SSH1: variants seen among roughly 807,000 people sequenced by gnomAD.
SSH1 encodes the protein slingshot protein phosphatase 1.
SSH1 carries 43 observed loss-of-function variants against 79.7 expected under a neutral mutation model. That is an observed-to-expected ratio of 0.54 (90% CI 0.42 to 0.70). The LOEUF is 0.70. SSH1 is among the 30% of genes least tolerant of loss of function. SSH1 has a pLI of 0.00. For synonymous variants in SSH1, 599 were observed against 538.3 expected, an observed-to-expected ratio of 1.11 and a Z score of -1.56; for missense variants, 1,206 against 1,358.8, an observed-to-expected ratio of 0.89 and a Z score of 1.77.
Position 108,779,034 on chromosome 12 carries a change from G to T in SSH1, c.*8954C>A, listed in dbSNP as rs571503087. On this transcript the variant is annotated 3_prime_UTR_variant, in exon 15 of 15. Coordinates refer to ENST00000326495, the MANE Select transcript of SSH1 (RefSeq NM_018984.4). ...ACCTGGGCTGGTCTTGAACTCCTGG[G>T]CTCAAGCAATCTGCCTGCCTCGGCC... 2.0e-5 allele frequency: 3 copies of T among 152,248 alleles called. No homozygotes were observed. The highest frequency in any genetic ancestry group is 7.2e-5 in the African/African-American group (3 of 41,550). The allele number at this position is 152,248 out of a possible 1,614,324, so 9.4% of individuals were successfully genotyped here.
Position 108,778,411 on chromosome 12 carries a change from A to C in SSH1, c.*9577T>G, listed in dbSNP as rs1045889351. 6.6e-6 allele frequency: 1 copy of C among 152,200 alleles called. No individual in the cohort carries two copies. The highest frequency in any genetic ancestry group is 2.4e-5 in the African/African-American group (1 of 41,428). The allele number at this position is 152,200 out of a possible 1,614,324, so 9.4% of individuals were successfully genotyped here. A position where few individuals can be genotyped will look rare whatever the true frequency, so the allele number is the denominator to read the frequency against. On this transcript the variant is annotated 3_prime_UTR_variant, in exon 15 of 15. Coordinates refer to ENST00000326495, the MANE Select transcript of SSH1 (RefSeq NM_018984.4). The stretch of plus-strand genomic sequence containing the variant: ...GAGAAGATGGTGGGGTAGAAATTGC[A>C]TGAATTTGGAGTCAGGCACTCCCAG...
chr12:108,830,860 G>C (rs2054266793), intron 2 of SSH1, among the ~76,000 whole-genome samples: 2 of 152,100 alleles, frequency 1.3e-5, no homozygotes, highest in Admixed American at 1.3e-4. Flanking sequence ...GCCCAGGCTG[G>C]TCTCCAACTC....
chr12:108,796,764 C>T (rs574820441), intron 13 of SSH1, among the ~76,000 whole-genome samples: 141 of 149,112 alleles, frequency 9.5e-4, no homozygotes, highest in Non-Finnish European at 1.8e-3. Flanking sequence ...TTTTTTTAGA[C>T]GAAGTTTTGC....
At chr12:108,853,596 G>T (rs1361954533) in intron 1 of SSH1, among the ~76,000 whole-genome samples, 1 of 151,846 alleles carries the variant, frequency 6.6e-6, no homozygotes, top group African/African-American at 2.4e-5. Flanking sequence ...GGGCAGCAAG[G>T]GACACCCACC....
intron 2 of SSH1, among the ~76,000 whole-genome samples, chr12:108,845,319 C>T (rs2137272080): frequency 6.6e-6 from 1 of 152,148 alleles, no homozygotes; most frequent in South Asian, 2.1e-4. Context: ...CTTGTGAGTT[C>T]CCGAACAGAG....
At chr12:108,856,082 A>C (rs1003237035) in intron 1 of SSH1, among the ~76,000 whole-genome samples, 5 of 152,242 alleles carry the variant, frequency 3.3e-5, no homozygotes, top group Non-Finnish European at 5.9e-5. Flanking sequence ...TGAAGAGCCC[A>C]GATGCTGGCT....
At chr12:108,819,008 C>A (rs2038012094) in intron 3 of SSH1, among the ~76,000 whole-genome samples, 1 of 152,316 alleles carries the variant, frequency 6.6e-6, no homozygotes, top group East Asian at 1.9e-4. Flanking sequence ...CACGCCTCAG[C>A]CTCCCAAAGT....
In SSH1 at chr12:108,805,036, G is replaced by T. The variant is rs1324822634; in HGVS notation, c.954+20C>A. On this transcript the variant is annotated intron_variant, in intron 10 of 14. Coordinates refer to ENST00000326495, the MANE Select transcript of SSH1 (RefSeq NM_018984.4). ...ATTTATGTCCCCCAAACCAGATACT[G>T]CCAGGGCCATGCCTCTTACGAGATA... 1.2e-6 allele frequency: 2 copies of T among 1,613,670 alleles called. No individual in the cohort carries two copies. Among genetic ancestry groups the T allele is most frequent in the African/African-American group, 2.7e-5 (2 of 74,910 alleles).
intron 11 of SSH1, 62 bp from the exon 12 acceptor site, chr12:108,800,988 T>G: frequency 1.3e-6 from 2 of 1,496,966 alleles, no homozygotes; most frequent in Non-Finnish European, 1.8e-6. Flanking sequence ...AAAAGCAAGG[T>G]AATAAAAACT....
In SSH1 at chr12:108,781,224, G is replaced by T. The variant is rs1205204315; in HGVS notation, c.*6764C>A. 1 of 152,030 alleles carries T rather than the reference G, an allele frequency of 6.6e-6. No homozygotes were observed. Among genetic ancestry groups the T allele is most frequent in the Non-Finnish European group, 1.5e-5 (1 of 68,036 alleles). The allele number at this position is 152,030 out of a possible 1,614,324, so 9.4% of individuals were successfully genotyped here. On this transcript the variant is annotated 3_prime_UTR_variant, in exon 15 of 15. Transcript: ENST00000326495. ...ATCAGAAACCAGGAGTTCAAGACCA[G>T]TCTGGGCAACATAGTGAGACCCTAT...
chr12:108,806,874 T>C (rs2037305736), intron 8 of SSH1, among the ~76,000 whole-genome samples: 1 of 152,184 alleles, frequency 6.6e-6, no homozygotes, highest in Admixed American at 6.5e-5. Flanking sequence ...TAATCCTTCT[T>C]CCCCATGAGG....
chr12:108,851,310 G>C (rs2039033964), intron 2 of SSH1, among the ~76,000 whole-genome samples: 2 of 152,164 alleles, frequency 1.3e-5, no homozygotes, highest in Admixed American at 6.5e-5. Flanking sequence ...AAACATCGGA[G>C]AAAAGCTGAG....
Position 108,806,295 on chromosome 12 carries a change from T to C in SSH1, c.825+6A>G. ...TGACCTGCAATGAAGGGAGGAGTTG[T>C]CTTACCTCTTTGGAAGTCACATTTT... is the stretch of plus-strand genomic sequence containing the variant. On this transcript the variant is annotated splice_donor_region_variant and intron_variant, in intron 9 of 14. Coordinates refer to ENST00000326495, the MANE Select transcript of SSH1 (RefSeq NM_018984.4). 6.2e-7 allele frequency: 1 copy of C among 1,613,868 alleles called. No individual in the cohort carries two copies. Among genetic ancestry groups the C allele is most frequent in the Non-Finnish European group, 8.5e-7 (1 of 1,179,750 alleles).
At chr12:108,856,780 G>T (rs2039152998) in intron 1 of SSH1, among the ~76,000 whole-genome samples, 1 of 152,158 alleles carries the variant, frequency 6.6e-6, no homozygotes, top group Non-Finnish European at 1.5e-5. Context: ...GCACAGCCAG[G>T]CATACAGGCA....
In SSH1 at chr12:108,811,341, A is replaced by G; in HGVS notation, c.402-13T>C. ...GGTGCAGCTTTTACTGCGATGGGGG[A>G]GAGAAGACATGTGGAGTCAGCGTCT... is the stretch of plus-strand genomic sequence containing the variant. On this transcript the variant is annotated splice_polypyrimidine_tract_variant and intron_variant, in intron 5 of 14. Coordinates refer to ENST00000326495, the MANE Select transcript of SSH1 (RefSeq NM_018984.4). 1 of 1,613,956 alleles carries G rather than the reference A, an allele frequency of 6.2e-7. No individual in the cohort carries two copies. Among genetic ancestry groups the G allele is most frequent in the South Asian group, 1.1e-5 (1 of 91,070 alleles).
At position 108,786,553 on chromosome 12, in the gene SSH1, ATAT is replaced by A. The variant is rs1261616113; in HGVS notation, c.*1432_*1434del. 1.3e-5 allele frequency: 2 copies of A among 152,174 alleles called. No homozygotes were observed. The highest frequency in any genetic ancestry group is 2.9e-5 in the Non-Finnish European group (2 of 68,048). 9.4% of individuals were successfully genotyped at this position (152,174 alleles called of 1,614,324 possible). Reference sequence around the variant, plus strand: ...TTGTGGGCCACATGAATTCTGTCACATATTATTTCTTTTTTTTACAACTCCTTA... The same window carrying A: ...TTGTGGGCCACATGAATTCTGTCACATATTTCTTTTTTTTACAACTCCTTA... On this transcript the variant is annotated 3_prime_UTR_variant, in exon 15 of 15. Transcript: ENST00000326495.
intron 2 of SSH1, among the ~76,000 whole-genome samples, chr12:108,848,095 T>C (rs2038940369): frequency 6.6e-6 from 1 of 152,020 alleles, no homozygotes; most frequent in South Asian, 2.1e-4. Flanking sequence ...CCAACGCCGG[T>C]GACGCTGGAG....
intron 2 of SSH1, among the ~76,000 whole-genome samples, chr12:108,829,769 G>A (rs951541994): frequency 1.3e-5 from 2 of 152,086 alleles, no homozygotes; most frequent in Non-Finnish European, 2.9e-5. Flanking sequence ...AGTCTAATTC[G>A]GAAGGTCTGT....
Position 108,783,385 on chromosome 12 carries a change from T to C in SSH1, c.*4603A>G, listed in dbSNP as rs146534773. The C allele has an allele frequency of 6.6e-6, 1 of 152,402 alleles. No individual in the cohort carries two copies. The highest frequency in any genetic ancestry group is 1.5e-5 in the Non-Finnish European group (1 of 68,048). 9.4% of individuals were successfully genotyped at this position (152,402 alleles called of 1,614,324 possible). On this transcript the variant is annotated 3_prime_UTR_variant, in exon 15 of 15. Coordinates refer to ENST00000326495, the MANE Select transcript of SSH1 (RefSeq NM_018984.4). ...TATCCAATCATAACAGATGAGACTT[T>C]AACAGTTTTGCATAAATACATAGTA...
Sources: allele counts gnomAD v4.1 joint callset (sites outside exome capture counted in the v4.1 genomes callset), GRCh38; gene constraint gnomAD v4.1.1; transcripts MANE v1.5; gene names NCBI Gene and HGNC (gene_info 2026-07-23, HGNC 2026-07-21).